The following BRD10 variants were observed in gnomAD, a reference collection of about 807,000 sequenced individuals.
BRD10 encodes bromodomain containing 10.
At chr9:5,962,350 T>G in the BRD10 span, among the ~76,000 whole-genome samples, 1 of 110,692 alleles carries the variant, frequency 9.0e-6, no homozygotes, top group Non-Finnish European at 1.9e-5. Flanking sequence ...CTCCCAAGAC[T>G]AAACCAGGAA....
chr9:5,994,700 G>C, the BRD10 span, among the ~76,000 whole-genome samples: 1 of 152,050 alleles, frequency 6.6e-6, no homozygotes, highest in African/African-American at 2.4e-5. Flanking sequence ...CAGGCATGTA[G>C]CCTCTCTCTT....
the BRD10 span, chr9:5,920,820 T>C: frequency 2.5e-6 from 4 of 1,613,970 alleles, no homozygotes; most frequent in Non-Finnish European, 3.4e-6. Context: ...GGTTGTGTAG[T>C]TGAAATCAGA....
At chr9:6,006,891 C>T in the BRD10 span, among the ~76,000 whole-genome samples, 1 of 152,232 alleles carries the variant, frequency 6.6e-6, no homozygotes, top group Non-Finnish European at 1.5e-5. Context: ...AAAACTGTTC[C>T]TCTGCCTACA....
At chr9:5,908,699 T>A in the BRD10 span, 1 of 1,614,006 alleles carries the variant, frequency 6.2e-7, no homozygotes, top group Non-Finnish European at 8.5e-7. Context: ...CACCACCTTA[T>A]TCACCTTAAG....
chr9:5,894,246 G>C, the BRD10 span, among the ~76,000 whole-genome samples: 1 of 152,146 alleles, frequency 6.6e-6, no homozygotes, highest in Non-Finnish European at 1.5e-5. The surrounding 1 kb of genome is among the most constrained non-coding windows in gnomAD (Gnocchi z 4.0). Flanking sequence ...TCATAGCCAG[G>C]TGTACCCACA....
chr9:5,990,175 T>C, the BRD10 span, among the ~76,000 whole-genome samples: 1 of 152,238 alleles, frequency 6.6e-6, no homozygotes, highest in African/African-American at 2.4e-5. Context: ...GATAGCTAAT[T>C]GGGCCGGAAG....
At chr9:5,884,230 G>C in the BRD10 span, among the ~76,000 whole-genome samples, 1 of 152,216 alleles carries the variant, frequency 6.6e-6, no homozygotes, top group Non-Finnish European at 1.5e-5. Flanking sequence ...CTGGGAGGTA[G>C]ATATCTTCAT....
At chr9:5,958,718 AT>A in the BRD10 span, among the ~76,000 whole-genome samples, 1 of 152,324 alleles carries the variant, frequency 6.6e-6, no homozygotes, top group South Asian at 2.1e-4. Context: ...ATCCCAACAC[AT>A]TCACTCCTCC....
the BRD10 span, chr9:5,920,636 T>G: frequency 6.2e-7 from 1 of 1,614,016 alleles, no homozygotes; most frequent in Non-Finnish European, 8.5e-7. Flanking sequence ...TGAATGGAAC[T>G]GGAGTGAAGT....
At chr9:5,930,936 T>A in the BRD10 span, among the ~76,000 whole-genome samples, 2 of 152,214 alleles carry the variant, frequency 1.3e-5, no homozygotes, top group Non-Finnish European at 2.9e-5. Flanking sequence ...TTAGGTAGAC[T>A]TGTAACCAAC....
the BRD10 span, among the ~76,000 whole-genome samples, chr9:5,991,032 T>G: frequency 6.6e-6 from 1 of 152,274 alleles, no homozygotes; most frequent in South Asian, 2.1e-4. Flanking sequence ...CATCCATCCA[T>G]TAAAACGAAT....
the BRD10 span, among the ~76,000 whole-genome samples, chr9:5,945,636 C>T: frequency 6.6e-6 from 1 of 152,004 alleles, no homozygotes; most frequent in Non-Finnish European, 1.5e-5. Context: ...TTACTAACAA[C>T]TAAACTAGCT....
chr9:5,975,668 G>C, the BRD10 span, among the ~76,000 whole-genome samples: 2 of 152,054 alleles, frequency 1.3e-5, no homozygotes, highest in African/African-American at 4.8e-5. Context: ...TGAACTTGAA[G>C]ACAGAGAGAG....
At chr9:5,916,410 T>A in the BRD10 span, among the ~76,000 whole-genome samples, 3 of 151,992 alleles carry the variant, frequency 2.0e-5, no homozygotes, top group Admixed American at 6.6e-5. Flanking sequence ...CTATTTCAAT[T>A]AATTATTAAA....
At chr9:5,988,291 TGG>T in the BRD10 span, 1 of 1,338,378 alleles carries the variant, frequency 7.5e-7, no homozygotes, top group Non-Finnish European at 1.1e-6. Context: ...AAATCTGATA[TGG>T]GCACATAAAA....
the BRD10 span, among the ~76,000 whole-genome samples, chr9:5,928,534 G>T: frequency 6.6e-6 from 1 of 151,806 alleles, no homozygotes; most frequent in African/African-American, 2.4e-5. Context: ...CTCTTCACTC[G>T]CTCTGCTCTG....
chr9:5,893,602 T>C, the BRD10 span, among the ~76,000 whole-genome samples: 26,737 of 152,118 alleles, frequency 0.18, 2,426 homozygotes, highest in Middle Eastern at 0.22. Flanking sequence ...AAACATACTC[T>C]TTGAGGGAGG....
chr9:5,916,784 C>T, the BRD10 span, among the ~76,000 whole-genome samples: 1 of 152,054 alleles, frequency 6.6e-6, no homozygotes, highest in Non-Finnish European at 1.5e-5. Flanking sequence ...ACATGACTCT[C>T]CAGTATCATG....
the BRD10 span, chr9:5,919,694 G>C: frequency 2.5e-6 from 4 of 1,607,662 alleles, no homozygotes; most frequent in Admixed American, 6.8e-5. Context: ...TCAAGATGCA[G>C]CTCTGTCAGG....
Sources: allele counts gnomAD v4.1 joint callset (sites outside exome capture counted in the v4.1 genomes callset), GRCh38; gene constraint gnomAD v4.1.1; non-coding constraint Gnocchi (gnomAD v3.1); transcripts MANE v1.5; gene names NCBI Gene and HGNC (gene_info 2026-07-23, HGNC 2026-07-21).